DNM3: variants seen among roughly 807,000 people sequenced by gnomAD.
DNM3 encodes dynamin 3.
A neutral mutation model predicts 101.6 loss-of-function variants in DNM3; 47 were observed. That is an observed-to-expected ratio of 0.46 (90% confidence interval 0.37 to 0.59). The LOEUF (loss-of-function observed/expected upper bound fraction) is 0.59. DNM3 is among the 20% of genes least tolerant of loss of function. The probability of loss-of-function intolerance (pLI) is 0.00; values close to 1 mark genes in which losing one functional copy is unlikely to be tolerated. For synonymous variants in DNM3, 385 were observed against 387.9 expected, an observed-to-expected ratio of 0.99 and a Z score of 0.09; for missense variants, 849 against 1,085.7, an observed-to-expected ratio of 0.78 and a Z score of 3.06.
At chr1:172,239,313 A>G (rs942922238) in intron 14 of DNM3, among the ~76,000 whole-genome samples, 5 of 152,198 alleles carry the variant, frequency 3.3e-5, no homozygotes, top group African/African-American at 9.6e-5. Flanking sequence ...TTGTAAATAC[A>G]TTGAAGAGAG....
chr1:172,348,887 A>G (rs546878446), intron 17 of DNM3, among the ~76,000 whole-genome samples: 2 of 152,314 alleles, frequency 1.3e-5, no homozygotes, highest in South Asian at 4.1e-4. Context: ...CCCAATTTCA[A>G]AAGTTAGTAA....
intron 17 of DNM3, among the ~76,000 whole-genome samples, chr1:172,358,949 C>T (rs2067591916): frequency 6.6e-6 from 1 of 151,884 alleles, no homozygotes; most frequent in South Asian, 2.1e-4. Flanking sequence ...GACCACATGA[C>T]TCATTACTTG....
At chr1:172,313,617 G>T (rs2065174824) in intron 16 of DNM3, among the ~76,000 whole-genome samples, 2 of 152,190 alleles carry the variant, frequency 1.3e-5, no homozygotes, top group Admixed American at 1.3e-4. Flanking sequence ...TGTGGCTCAG[G>T]CAACTTACTT....
intron 17 of DNM3, among the ~76,000 whole-genome samples, chr1:172,359,237 C>T (rs1019321979): frequency 1.3e-5 from 2 of 151,814 alleles, no homozygotes; most frequent in African/African-American, 4.8e-5. Flanking sequence ...GGCTTGAGGC[C>T]GCATAGACCA....
At chr1:172,307,733 T>A (rs2064898849) in intron 15 of DNM3, among the ~76,000 whole-genome samples, 1 of 152,158 alleles carries the variant, frequency 6.6e-6, no homozygotes. Flanking sequence ...GGGACATGCA[T>A]GAAGCTGGAA....
At chr1:172,015,308 T>G (rs564096967) in intron 4 of DNM3, among the ~76,000 whole-genome samples, 1 of 152,174 alleles carries the variant, frequency 6.6e-6, no homozygotes, top group African/African-American at 2.4e-5. Flanking sequence ...ACAAAATAAC[T>G]GACTGGGATT....
chr1:172,039,627 G>A (rs1057263212), intron 7 of DNM3, among the ~76,000 whole-genome samples: 34 of 151,916 alleles, frequency 2.2e-4, no homozygotes, highest in Admixed American at 2.1e-3. Flanking sequence ...TGCAAATACC[G>A]GGTCTTGCCT....
chr1:172,318,745 A>G (rs2065530891), intron 16 of DNM3, among the ~76,000 whole-genome samples: 1 of 152,234 alleles, frequency 6.6e-6, no homozygotes, highest in South Asian at 2.1e-4. Flanking sequence ...AGAGGACACA[A>G]ACAAATGGAA....
chr1:171,901,574 C>T (rs1488622751), intron 1 of DNM3, among the ~76,000 whole-genome samples: 2 of 152,138 alleles, frequency 1.3e-5, no homozygotes. Context: ...GAAGGAGGGA[C>T]AGACATGTCA....
intron 2 of DNM3, among the ~76,000 whole-genome samples, chr1:171,977,127 A>G (rs764662273): frequency 6.6e-6 from 1 of 152,246 alleles, no homozygotes; most frequent in South Asian, 2.1e-4. Flanking sequence ...AAACATTGGA[A>G]TAACTCCTTA....
rs188565032 is a variant in DNM3, at chr1:171,878,852, T to C, written c.161+37035T>C. Reference sequence around the variant, plus strand: ...CTCAAGCTTTCTTTTTTTTTTAATATATGAAACAAAAGTATATGAACAAAT... The same window carrying C: ...CTCAAGCTTTCTTTTTTTTTTAATACATGAAACAAAAGTATATGAACAAAT... On this transcript the variant is annotated intron_variant, in intron 1 of 20. Transcript: ENST00000627582. Among the ~76,000 whole-genome samples the C allele has an allele frequency of 8.5e-4, 129 of 152,142 alleles. 1 individual carries two copies. Among genetic ancestry groups the C allele is most frequent in the Middle Eastern group, 3.4e-3 (1 of 294 alleles).
intron 17 of DNM3, among the ~76,000 whole-genome samples, chr1:172,359,913 T>G (rs1309081657): frequency 1.3e-5 from 2 of 152,006 alleles, no homozygotes; most frequent in African/African-American, 4.8e-5. Flanking sequence ...ATGACTGGAT[T>G]CCTGTTGCAC....
chr1:172,312,107 G>A (rs1325723104), intron 16 of DNM3, among the ~76,000 whole-genome samples: 3 of 152,282 alleles, frequency 2.0e-5, no homozygotes, highest in Non-Finnish European at 2.9e-5. Flanking sequence ...TTGGGGGAAG[G>A]AAATTATTTT....
intron 13 of DNM3, among the ~76,000 whole-genome samples, chr1:172,111,631 G>T (rs368083995): frequency 8.6e-4 from 131 of 152,308 alleles, no homozygotes; most frequent in African/African-American, 3.0e-3. Context: ...TGCTTTGAAC[G>T]AATAAGCTGT....
chr1:172,194,742 A>G (rs1444826885), intron 14 of DNM3, among the ~76,000 whole-genome samples: 5 of 151,266 alleles, frequency 3.3e-5, no homozygotes, highest in Non-Finnish European at 7.4e-5. Context: ...CTTTATTTTG[A>G]TCCTACGTGT....
intron 1 of DNM3, among the ~76,000 whole-genome samples, chr1:171,858,198 G>A (rs182909768): frequency 6.6e-6 from 1 of 152,324 alleles, no homozygotes; most frequent in East Asian, 1.9e-4. Flanking sequence ...TTGGTACTGA[G>A]AGTGAGGATC....
chr1:172,278,229 A>C (rs1486203339), intron 15 of DNM3, among the ~76,000 whole-genome samples: 2 of 152,084 alleles, frequency 1.3e-5, no homozygotes, highest in African/African-American at 4.8e-5. Flanking sequence ...GCCCAAAGTC[A>C]ATATTTCAAG....
chr1:171,963,115 C>A (rs2043326297), intron 2 of DNM3, among the ~76,000 whole-genome samples: 1 of 152,108 alleles, frequency 6.6e-6, no homozygotes, highest in Admixed American at 6.5e-5. Context: ...TTCATAATTG[C>A]CCAAACTTGG....
intron 15 of DNM3, among the ~76,000 whole-genome samples, chr1:172,286,068 T>TTATATATATATA (rs143628364): frequency 1.6e-3 from 235 of 147,480 alleles, no homozygotes; most frequent in East Asian, 8.7e-3. Context: ...AGTGAGTTAT[T>TTATATATATATA]TATATATATA....
Sources: allele counts gnomAD v4.1 joint callset (sites outside exome capture counted in the v4.1 genomes callset), GRCh38; gene constraint gnomAD v4.1.1; transcripts MANE v1.5; gene names NCBI Gene and HGNC (gene_info 2026-07-23, HGNC 2026-07-21).